The following FLVCR1 variants were observed in gnomAD, a reference collection of about 807,000 sequenced individuals.
FLVCR1 encodes the protein choline/ethanolamine transporter FLVCR1.
In FLVCR1, 34 loss-of-function variants were observed where a neutral mutation model predicts 53.6. That is an observed-to-expected ratio of 0.63 (90% confidence interval 0.48 to 0.84). The LOEUF is 0.84. Among genes scored for constraint, FLVCR1 ranks in the 40% least tolerant of loss-of-function variants. FLVCR1 has a pLI of 0.00. For synonymous variants in FLVCR1, 300 were observed against 286.3 expected (o/e 1.05, Z -0.48); for missense variants, 677 against 696.7 (o/e 0.97, Z 0.32).
At chr1:212,865,130 A>G (rs992918560) in intron 2 of FLVCR1, among the ~76,000 whole-genome samples, 1 of 120,316 alleles carries the variant, frequency 8.3e-6, no homozygotes, top group Non-Finnish European at 2.0e-5. Flanking sequence ...AAAAAACACC[A>G]AAATTCTTTT....
chr1:212,865,817 CTT>C (rs34338474), intron 2 of FLVCR1, among the ~76,000 whole-genome samples: 2 of 134,462 alleles, frequency 1.5e-5, no homozygotes, highest in Admixed American at 7.6e-5. Flanking sequence ...AATTCTCTCT[CTT>C]TTTTTTTTTT....
chr1:212,881,684 A>G (rs903291906), intron 3 of FLVCR1, among the ~76,000 whole-genome samples: 1 of 152,186 alleles, frequency 6.6e-6, no homozygotes, highest in Non-Finnish European at 1.5e-5. Flanking sequence ...TGCAAAAAAC[A>G]TAAACCCTAA....
At chr1:212,870,506 C>T (rs1252896825) in intron 2 of FLVCR1, among the ~76,000 whole-genome samples, 1 of 152,082 alleles carries the variant, frequency 6.6e-6, no homozygotes, top group African/African-American at 2.4e-5. Flanking sequence ...TGGGTAGAAT[C>T]TCAAAATCTG....
chr1:212,893,822 C>A (rs1665264541), intron 8 of FLVCR1, among the ~76,000 whole-genome samples: 1 of 152,170 alleles, frequency 6.6e-6, no homozygotes, highest in Non-Finnish European at 1.5e-5. Flanking sequence ...GTTGCCCAGG[C>A]TGGAGTGGAA....
intron 8 of FLVCR1, 54 bp downstream of exon 8, chr1:212,889,311 T>C (rs1665132415): frequency 9.3e-7 from 1 of 1,075,210 alleles, no homozygotes; most frequent in Middle Eastern, 2.0e-4. Flanking sequence ...TTAATTTTCA[T>C]ATATATTGCT....
chr1:212,881,403 A>G (rs1347536874), intron 3 of FLVCR1, among the ~76,000 whole-genome samples: 1 of 150,656 alleles, frequency 6.6e-6, no homozygotes, highest in Non-Finnish European at 1.5e-5. Flanking sequence ...CAGTGGCACA[A>G]TCTCGGCTCA....
chr1:212,869,947 A>G (rs939603925), intron 2 of FLVCR1: 8 of 152,256 alleles, frequency 5.3e-5, no homozygotes, highest in African/African-American at 1.9e-4. Flanking sequence ...TTAAATACCC[A>G]TGACTACCTT....
At chr1:212,864,004 C>T in intron 2 of FLVCR1, 135 bp downstream of exon 2, 1 of 754,984 alleles carries the variant, frequency 1.3e-6, no homozygotes, top group South Asian at 1.5e-5. Flanking sequence ...CTGTCTTGCT[C>T]AGGTAATGAA....
At chr1:212,861,651 T>A (rs569185148) in intron 1 of FLVCR1, among the ~76,000 whole-genome samples, 1 of 152,194 alleles carries the variant, frequency 6.6e-6, no homozygotes, top group Non-Finnish European at 1.5e-5. Flanking sequence ...TCTATCTAGC[T>A]TTTTGTTTTA....
chr1:212,896,360 G>A lies in FLVCR1; in HGVS notation c.*1070G>A, dbSNP rs1408398809. 1 of 152,144 alleles carries A rather than the reference G, an allele frequency of 6.6e-6. No individual in the cohort carries two copies. Among genetic ancestry groups the A allele is most frequent in the East Asian group, 1.9e-4 (1 of 5,202 alleles). 9.4% of individuals were successfully genotyped at this position (152,144 alleles called of 1,614,324 possible). A position where few individuals can be genotyped will look rare whatever the true frequency, so the allele number is the denominator to read the frequency against. Reference sequence around the variant, plus strand: ...ATTTTTATGACCATTCTCCTTTGAGGAATACTATGCCCAGGTACATGCTCT... The same window carrying A: ...ATTTTTATGACCATTCTCCTTTGAGAAATACTATGCCCAGGTACATGCTCT... On this transcript the variant is annotated 3_prime_UTR_variant, in exon 10 of 10. Coordinates refer to ENST00000366971, the MANE Select transcript of FLVCR1 (RefSeq NM_014053.4).
chr1:212,874,643 T>C (rs4951646), intron 3 of FLVCR1, among the ~76,000 whole-genome samples: 70,006 of 150,654 alleles, frequency 0.46, 17,471 homozygotes, highest in East Asian at 0.56. Flanking sequence ...ATTCTCCTGC[T>C]TCAGCCTCCC....
Position 212,896,690 on chromosome 1 carries a change from A to G in FLVCR1, c.*1400A>G, listed in dbSNP as rs1351690173. 6.6e-6 allele frequency: 1 copy of G among 151,960 alleles called. No individual in the cohort carries two copies. Among genetic ancestry groups the G allele is most frequent in the Non-Finnish European group, 1.5e-5 (1 of 68,014 alleles). 9.4% of individuals were successfully genotyped at this position (151,960 alleles called of 1,614,324 possible). ...TTGAAGTGAATAGCAATTTTGATTT[A>G]GGCAGTGTGTTAGGCCATCCTTGCA... On this transcript the variant is annotated 3_prime_UTR_variant, in exon 10 of 10. Coordinates refer to ENST00000366971, the MANE Select transcript of FLVCR1 (RefSeq NM_014053.4).
intron 3 of FLVCR1, among the ~76,000 whole-genome samples, chr1:212,874,643 T>G (rs4951646): frequency 1.3e-5 from 2 of 150,680 alleles, no homozygotes; most frequent in Non-Finnish European, 3.0e-5. Context: ...ATTCTCCTGC[T>G]TCAGCCTCCC....
At position 212,858,646 on chromosome 1, in the gene FLVCR1, G is replaced by A. The variant is rs1664107087; in HGVS notation, c.194G>A (p.Gly65Asp). The change falls in exon 1 of 10, where the codon GGC becomes GAC. Residue 65 changes from glycine (G) to aspartate (D), a missense_variant. Transcript: ENST00000366971. ...CTCGCTGCCGCCTCGGGAGTTCTGG[G>A]CGGGCCTCAGACTCCACTGGCCCCA... Reference protein sequence around the residue: ...DSLAAASGVLGGPQTPLAPEE... With the variant: ...DSLAAASGVLDGPQTPLAPEE... 2 of 1,541,794 alleles carry A rather than the reference G, an allele frequency of 1.3e-6. No individual in the cohort carries two copies. Among genetic ancestry groups the A allele is most frequent in the Non-Finnish European group, 1.7e-6 (2 of 1,145,142 alleles).
At chr1:212,863,960 A>C in intron 2 of FLVCR1, 91 bp downstream of exon 2, 220 of 1,029,688 alleles carry the variant, frequency 2.1e-4, no homozygotes, top group Non-Finnish European at 3.1e-4. Context: ...ATAATATCTC[A>C]AGTGTCATGT....
Position 212,858,532 on chromosome 1 carries a change from G to C in FLVCR1, c.80G>C (p.Arg27Thr), listed in dbSNP as rs1664096305. The change falls in exon 1 of 10, where the codon AGG becomes ACG. Residue 27 changes from arginine to threonine, a missense_variant. Physicochemically the swap from Arg to Thr is moderately conservative, Grantham distance 71. Transcript: ENST00000366971. ...PLAKGYLPLP[R>T]GAPVGKESVE... ...GCGAAAGGATACCTCCCGTTGCCGAGGGGCGCGCCCGTTGGGAAGGAGAGC... is the reference window on the plus strand; with the variant it reads ...GCGAAAGGATACCTCCCGTTGCCGACGGGCGCGCCCGTTGGGAAGGAGAGC... 5.5e-6 allele frequency: 8 copies of C among 1,461,450 alleles called. No homozygotes were observed. The East Asian group carries it at 2.0e-4, about 36-fold the overall frequency. The allele number at this position is 1,461,450 out of a possible 1,614,324, so 90.5% of individuals were successfully genotyped here. A position where few individuals can be genotyped will look rare whatever the true frequency, so the allele number is the denominator to read the frequency against.
At chr1:212,891,008 A>T (rs963328595) in intron 8 of FLVCR1, among the ~76,000 whole-genome samples, 3 of 152,212 alleles carry the variant, frequency 2.0e-5, no homozygotes, top group African/African-American at 7.2e-5. Flanking sequence ...AATAAAACAT[A>T]CAAAACTGTG....
At chr1:212,883,245 ATGT>A in intron 3 of FLVCR1, 123 bp from the exon 4 acceptor site, 2 of 667,020 alleles carry the variant, frequency 3.0e-6, no homozygotes, top group South Asian at 3.4e-5. Flanking sequence ...GTGTTAAGAA[ATGT>A]ATTTCCACAA....
At chr1:212,859,699 CAG>C (rs1664160279) in intron 1 of FLVCR1, among the ~76,000 whole-genome samples, 1 of 151,918 alleles carries the variant, frequency 6.6e-6, no homozygotes, top group African/African-American at 2.4e-5. Context: ...GCTTGGGTGA[CAG>C]AGTGAGACTC....
Sources: gnomAD v4.1 joint callset for allele counts (sites outside exome capture counted in the v4.1 genomes callset) on GRCh38, gnomAD v4.1.1 for gene constraint, MANE v1.5 for transcripts, NCBI Gene and HGNC (gene_info 2026-07-23, HGNC 2026-07-21) for gene names.